The following BICDL1 variants were observed in gnomAD, a reference collection of about 807,000 sequenced individuals.
BICDL1 encodes the protein BICD family like cargo adaptor 1, also known as BICD family-like cargo adapter 1.
Under a neutral mutation model 76.8 loss-of-function variants are expected in BICDL1, and 20 were observed. The observed-to-expected ratio is 0.26, with a 90% CI of 0.18 to 0.38. The LOEUF (loss-of-function observed/expected upper bound fraction) is 0.38, where lower values mean the gene tolerates loss of function less well. Among genes scored for constraint, BICDL1 ranks in the 10% least tolerant of loss-of-function variants. The pLI is 1.00. For missense variants in BICDL1, 700 were observed against 798.6 expected, an observed-to-expected ratio of 0.88 and a Z score of 1.49; for synonymous variants, 383 against 337.1, an observed-to-expected ratio of 1.14 and a Z score of -1.49.
intron 1 of BICDL1, among the ~76,000 whole-genome samples, chr12:119,997,130 T>C (rs1260680611): frequency 3.3e-5 from 5 of 152,108 alleles, no homozygotes; most frequent in African/African-American, 1.2e-4. Flanking sequence ...ATATTTTTAG[T>C]AGAGATCAGG....
intron 8 of BICDL1, among the ~76,000 whole-genome samples, chr12:120,084,216 A>C (rs532108968): frequency 6.6e-6 from 1 of 151,994 alleles, no homozygotes; most frequent in South Asian, 2.1e-4. Flanking sequence ...GTTAGTCAGG[A>C]TGGTCTCGAT....
chr12:119,998,126 G>A (rs1049692618), intron 1 of BICDL1, among the ~76,000 whole-genome samples: 3 of 151,972 alleles, frequency 2.0e-5, no homozygotes, highest in Admixed American at 1.3e-4. Flanking sequence ...CAGCCTGGGC[G>A]ACAGAGCAAG....
chr12:120,057,272 C>T, intron 2 of BICDL1: 1 of 366,578 alleles, frequency 2.7e-6, no homozygotes, highest in South Asian at 2.1e-5. Flanking sequence ...ACCTTGGCCT[C>T]CCAACGTGCT....
chr12:120,081,256 T>C (rs140898643), intron 8 of BICDL1, among the ~76,000 whole-genome samples: 1 of 149,950 alleles, frequency 6.7e-6, no homozygotes, highest in Non-Finnish European at 1.5e-5. Context: ...TATGTAGGTG[T>C]GTAGGCAATG....
In BICDL1 at chr12:119,991,126, T is replaced by C. The variant is rs1296959067; in HGVS notation, c.429+829T>C. ...TGAATGCAGTACAGAATGCCAGCAT[T>C]TCTAAAAATTAGATTGCAAAAAAAA... On this transcript the variant is annotated intron_variant, in intron 1 of 9. Transcript: ENST00000548673. Among the ~76,000 whole-genome samples, 32 of 152,212 alleles carry C rather than the reference T, an allele frequency of 2.1e-4. 1 individual carries two copies.
chr12:120,045,266 A>G (rs993457011), intron 2 of BICDL1, among the ~76,000 whole-genome samples: 4 of 152,204 alleles, frequency 2.6e-5, no homozygotes, highest in African/African-American at 9.7e-5. Context: ...AAGTCAGGAA[A>G]CAACAAGTGC....
At chr12:120,072,797 C>A in intron 6 of BICDL1, 68 bp downstream of exon 6, 2 of 1,352,596 alleles carry the variant, frequency 1.5e-6, no homozygotes, top group Non-Finnish European at 1.0e-6. Flanking sequence ...GAACCCAGTG[C>A]ATAGGGTGAG....
chr12:120,001,447 T>C (rs6490280), intron 2 of BICDL1, among the ~76,000 whole-genome samples: 52,675 of 151,916 alleles, frequency 0.35, 12,177 homozygotes, highest in African/African-American at 0.65. Context: ...GGGGTTTTAC[T>C]GTGTTAGCCA....
intron 9 of BICDL1, chr12:120,092,690 G>A (rs1875080377): frequency 2.0e-6 from 2 of 985,436 alleles, no homozygotes; most frequent in Non-Finnish European, 2.4e-6. Flanking sequence ...CAGGTGGAGT[G>A]CTAGTGTGGA....
In BICDL1 at chr12:120,081,806, T is replaced by C. The variant is rs759417151; in HGVS notation, c.1583+789T>C. 1.0e-3 allele frequency among the ~76,000 whole-genome samples: 157 copies of C among 151,488 alleles called. 3 individuals carry two copies. The highest frequency in any genetic ancestry group is 1.1e-3 in the Admixed American group (16 of 15,198). Reference sequence around the variant, plus strand: ...AGCCTCAATACTAATTAGCATATGGTCAGTGTTATTTCATCTATATCCTCA... The same window carrying C: ...AGCCTCAATACTAATTAGCATATGGCCAGTGTTATTTCATCTATATCCTCA... On this transcript the variant is annotated intron_variant, in intron 8 of 9. Transcript: ENST00000548673.
At chr12:119,997,264 T>C (rs1470236727) in intron 1 of BICDL1, among the ~76,000 whole-genome samples, 1 of 152,142 alleles carries the variant, frequency 6.6e-6, no homozygotes, top group Admixed American at 6.5e-5. Context: ...ATGTTTTTAT[T>C]TCCCTCAATC....
chr12:120,037,272 A>G (rs1356495684), intron 2 of BICDL1, among the ~76,000 whole-genome samples: 13 of 152,160 alleles, frequency 8.5e-5, no homozygotes, highest in East Asian at 3.8e-4. Flanking sequence ...ATAAATGTTC[A>G]TTTTGATTTC....
At chr12:120,037,296 C>G (rs954436074) in intron 2 of BICDL1, among the ~76,000 whole-genome samples, 2 of 152,160 alleles carry the variant, frequency 1.3e-5, no homozygotes, top group African/African-American at 4.8e-5. Flanking sequence ...AGTACCTTCT[C>G]TCTCACCTAG....
chr12:120,085,411 A>T (rs1317445691), intron 8 of BICDL1, among the ~76,000 whole-genome samples: 1 of 152,228 alleles, frequency 6.6e-6, no homozygotes, highest in Non-Finnish European at 1.5e-5. Flanking sequence ...CTCAAAAAAA[A>T]GTAACAGTGT....
At chr12:119,994,107 T>G (rs1271355367) in intron 1 of BICDL1, among the ~76,000 whole-genome samples, 1 of 152,234 alleles carries the variant, frequency 6.6e-6, no homozygotes, top group Non-Finnish European at 1.5e-5. Context: ...GTATCTCCCT[T>G]TTTTCCATCA....
Position 119,989,795 on chromosome 12 carries a change from G to T in BICDL1, c.-74G>T, listed in dbSNP as rs1037482078. On this transcript the variant is annotated 5_prime_UTR_variant, in exon 1 of 10. Coordinates refer to ENST00000548673, the MANE Select transcript of BICDL1 (RefSeq NM_001367886.1). ...GAGGCGCGGGACGCGGGGCGGCGCG[G>T]CAGGGCCCCTCCCCCCTGCAGCCTG... 2 of 662,414 alleles carry T rather than the reference G, an allele frequency of 3.0e-6. No individual in the cohort carries two copies. The highest frequency in any genetic ancestry group is 2.0e-5 in the African/African-American group (1 of 50,294). The allele number at this position is 662,414 out of a possible 1,614,324, so 41.0% of individuals were successfully genotyped here.
intron 2 of BICDL1, among the ~76,000 whole-genome samples, chr12:120,020,710 A>G (rs1371271812): frequency 3.3e-5 from 5 of 152,218 alleles, no homozygotes; most frequent in Non-Finnish European, 5.9e-5. Flanking sequence ...CAGTAGATGG[A>G]GAACTGGACA....
rs757654492 is a variant in BICDL1 at position 120,072,680 on chromosome 12, A to G, written c.1259A>G (p.Asn420Ser). The change falls in exon 6 of 10, where the codon AAT (asparagine) becomes AGT (serine). Residue 420 changes from asparagine to serine, a missense_variant. This residue lies in a region of BICDL1 where 455 missense variants were observed against 548.7 expected (regional missense o/e 0.83). Coordinates refer to ENST00000548673, the MANE Select transcript of BICDL1 (RefSeq NM_001367886.1). ...GCCGGCAGCTTGCGCACTGCCCTCAATGAGCTCAAGAGACTGATACAGAGC... is the reference window on the plus strand; with the variant it reads ...GCCGGCAGCTTGCGCACTGCCCTCAGTGAGCTCAAGAGACTGATACAGAGC... The part of the protein sequence containing the change: ...VPAGSLRTAL[N>S]ELKRLIQSIV... The G allele has an allele frequency of 8.7e-5, 140 of 1,613,876 alleles. No individual in the cohort carries two copies. The highest frequency in any genetic ancestry group is 1.7e-4 in the Middle Eastern group (1 of 5,968).
At position 120,089,991 on chromosome 12, in the gene BICDL1, G is replaced by A. The variant is rs748565322; in HGVS notation, c.1624G>A (p.Asp542Asn). Residue 542 changes from aspartate (D) to asparagine (N), a missense_variant, in exon 9 of 10, where the codon GAT becomes AAT. Asp to Asn is a conservative substitution (Grantham distance 23, BLOSUM62 1). This residue lies in a region of BICDL1 where 455 missense variants were observed against 548.7 expected (regional missense o/e 0.83). Transcript: ENST00000548673. Reference sequence around the variant, plus strand: ...GCTGGAACTTGCCAAGTGCAGGATGGATATGATGTCTCTGAACAGCCAGTT... The same window carrying A: ...GCTGGAACTTGCCAAGTGCAGGATGAATATGATGTCTCTGAACAGCCAGTT... Reference protein sequence around the residue: ...VELELAKCRMDMMSLNSQLLD... With the variant: ...VELELAKCRMNMMSLNSQLLD... 1 of 1,614,206 alleles carries A rather than the reference G, an allele frequency of 6.2e-7. No homozygotes were observed. Among genetic ancestry groups the A allele is most frequent in the African/African-American group, 1.3e-5 (1 of 75,044 alleles).
Sources: gnomAD v4.1 joint callset for allele counts (sites outside exome capture counted in the v4.1 genomes callset) on GRCh38, gnomAD v4.1.1 for gene constraint, gnomAD v4.1.1 regional missense constraint, MANE v1.5 for transcripts, NCBI Gene and HGNC (gene_info 2026-07-23, HGNC 2026-07-21) for gene names.